Variants in ACACA observed in about 807,000 individuals in gnomAD.
The protein encoded by ACACA is acetyl-CoA carboxylase alpha.
ACACA carries 103 observed loss-of-function variants against 296.1 expected under a neutral mutation model. That is an observed-to-expected ratio of 0.35 (90% CI 0.30 to 0.41). ACACA has a LOEUF of 0.41. Ranked by LOEUF, ACACA falls within the 10% of genes least tolerant of loss-of-function variation. ACACA has a pLI of 1.00. For missense variants in ACACA, 1,554 were observed against 2,989.7 expected (o/e 0.52, Z 11.20); for synonymous variants, 953 against 1,038.6 (o/e 0.92, Z 1.58).
chr17:37,175,683 C>T (rs1021600019), intron 41 of ACACA, among the ~76,000 whole-genome samples: 2 of 152,166 alleles, frequency 1.3e-5, no homozygotes, highest in Non-Finnish European at 2.9e-5. Context: ...TCTTGGACAA[C>T]TCATCTTTGG....
intron 25 of ACACA, among the ~76,000 whole-genome samples, chr17:37,229,401 T>G (rs1368612684): frequency 1.3e-5 from 2 of 151,732 alleles, no homozygotes; most frequent in Non-Finnish European, 2.9e-5. Context: ...CCTCCGGGGT[T>G]CACGCCATTC....
chr17:37,280,082 A>ACTCTCACTAGCAACATGGGTAC (rs1232244585), intron 5 of ACACA, among the ~76,000 whole-genome samples: 1 of 151,896 alleles, frequency 6.6e-6, no homozygotes, highest in Non-Finnish European at 1.5e-5. Flanking sequence ...ACATTTTCAG[A>ACTCTCACTAGCAACATGGGTAC]CTCTCACTAG....
chr17:37,258,124 C>G (rs985158261), intron 13 of ACACA, 88 bp downstream of exon 13: 1 of 1,488,518 alleles, frequency 6.7e-7, no homozygotes, highest in Non-Finnish European at 9.3e-7. Flanking sequence ...GAGGAAGTCC[C>G]AAGATATTTC....
intron 52 of ACACA, among the ~76,000 whole-genome samples, chr17:37,106,801 G>C (rs1338514656): frequency 6.6e-6 from 1 of 151,420 alleles, no homozygotes; most frequent in African/African-American, 2.4e-5. Flanking sequence ...CTTTCTCTTG[G>C]GTTCCCTCTA....
chr17:37,187,518 A>G (rs2077582783), intron 39 of ACACA, among the ~76,000 whole-genome samples: 1 of 152,234 alleles, frequency 6.6e-6, no homozygotes, highest in Non-Finnish European at 1.5e-5. Context: ...GAACCAACCT[A>G]ATTTCAGTAT....
chr17:37,240,405 A>G, intron 24 of ACACA, 71 bp downstream of exon 24: 1 of 1,351,240 alleles, frequency 7.4e-7, no homozygotes, highest in Non-Finnish European at 1.0e-6. Flanking sequence ...ACACAGTCCT[A>G]TAGGGATAGT....
intron 3 of ACACA, among the ~76,000 whole-genome samples, chr17:37,286,441 T>C (rs1461462518): frequency 6.6e-6 from 1 of 152,218 alleles, no homozygotes; most frequent in Non-Finnish European, 1.5e-5. Context: ...CCTACCCTTT[T>C]ATGCTGTGCT....
chr17:37,225,770 G>A (rs1049436399), intron 26 of ACACA, among the ~76,000 whole-genome samples: 2 of 152,212 alleles, frequency 1.3e-5, no homozygotes, highest in African/African-American at 2.4e-5. Context: ...AGCTTCAAAT[G>A]CTGCTTCCTT....
Position 37,349,378 on chromosome 17 carries a change from CAT to C in ACACA, c.39-9530_39-9529del, listed in dbSNP as rs147882161. Among the ~76,000 whole-genome samples the C allele has an allele frequency of 1.4e-3, 199 of 143,174 alleles. 1 individual carries two copies. Among genetic ancestry groups the C allele is most frequent in the Admixed American group, 2.3e-3 (32 of 14,108 alleles). 93.9% of individuals were successfully genotyped at this position (143,174 alleles called of 152,430 possible). On this transcript the variant is annotated intron_variant, in intron 1 of 55. Transcript: ENST00000616317. ...GCTCAGTGAAAACAACATATTCTTA[CAT>C]ATATATATATATATAAAACATATAT...
chr17:37,274,597 C>T, intron 8 of ACACA: 1 of 981,272 alleles, frequency 1.0e-6, no homozygotes, highest in African/African-American at 1.7e-5. Flanking sequence ...GCATACTTCT[C>T]ACAGCAACTC....
chr17:37,160,114 A>C (rs1432412813), intron 42 of ACACA, among the ~76,000 whole-genome samples: 2 of 152,248 alleles, frequency 1.3e-5, no homozygotes, highest in African/African-American at 2.4e-5. Flanking sequence ...ATCTGGAGAC[A>C]GCAAGAACAA....
intron 48 of ACACA, among the ~76,000 whole-genome samples, chr17:37,124,518 T>A (rs2074682157): frequency 6.6e-6 from 1 of 152,172 alleles, no homozygotes; most frequent in Non-Finnish European, 1.5e-5. Flanking sequence ...TTGGTCTTAG[T>A]GTGCCGTGAG....
intron 8 of ACACA, 23 bp from the exon 9 acceptor site, chr17:37,274,322 A>G: frequency 6.3e-7 from 1 of 1,580,582 alleles, no homozygotes; most frequent in Non-Finnish European, 8.7e-7. Context: ...ATAGCAACTT[A>G]GGGCAATTAC....
At chr17:37,243,767 T>C (rs564308590) in intron 21 of ACACA, among the ~76,000 whole-genome samples, 68 of 152,364 alleles carry the variant, frequency 4.5e-4, no homozygotes, top group African/African-American at 1.6e-3. Flanking sequence ...TTTTGATCCA[T>C]GTTTGGCTGA....
In ACACA at chr17:37,248,064, G is replaced by A. The variant is rs993085326; in HGVS notation, c.2256C>T (p.Leu752=). 1 of 1,614,120 alleles carries A rather than the reference G, an allele frequency of 6.2e-7. No individual in the cohort carries two copies. Among genetic ancestry groups the A allele is most frequent in the Non-Finnish European group, 8.5e-7 (1 of 1,180,018 alleles). The change falls in exon 18 of 56, where the codon CTC becomes CTT. Residue 752 remains leucine, a synonymous_variant. Transcript: ENST00000616317. The part of the protein sequence containing the change: ...DVHRLSDGGL[L]LSYDGSSYTT... ...TATAACTGCTGCCATCATAGGACAA[G>A]AGCAGTCCACCGTCACTCAGCCGAT...
At chr17:37,099,766 G>A (rs1162289722) in intron 52 of ACACA, among the ~76,000 whole-genome samples, 1 of 152,106 alleles carries the variant, frequency 6.6e-6, no homozygotes, top group East Asian at 1.9e-4. Flanking sequence ...CCTTGTTAGG[G>A]AAGCAAATAT....
At chr17:37,151,818 C>A (rs1029325294) in intron 43 of ACACA, among the ~76,000 whole-genome samples, 1 of 152,158 alleles carries the variant, frequency 6.6e-6, no homozygotes, top group Non-Finnish European at 1.5e-5. Context: ...CCCGCCACCA[C>A]GCCCGGCTAA....
At chr17:37,196,987 T>C (rs992367567) in intron 35 of ACACA, among the ~76,000 whole-genome samples, 2 of 152,230 alleles carry the variant, frequency 1.3e-5, no homozygotes, top group Non-Finnish European at 2.9e-5. Context: ...GTTATTCAAA[T>C]TCCATTATGG....
chr17:37,144,997 C>G (rs2075753716), intron 45 of ACACA, among the ~76,000 whole-genome samples: 1 of 152,142 alleles, frequency 6.6e-6, no homozygotes. Flanking sequence ...AATGTGCTCT[C>G]TCTCCCCAAG....
Sources: allele counts gnomAD v4.1 joint callset (sites outside exome capture counted in the v4.1 genomes callset), GRCh38; gene constraint gnomAD v4.1.1; transcripts MANE v1.5; gene names NCBI Gene and HGNC (gene_info 2026-07-23, HGNC 2026-07-21).